The following ISM1 variants were observed in gnomAD, a reference collection of about 807,000 sequenced individuals.
ISM1 encodes the protein isthmin-1.
Under a neutral mutation model 46.3 loss-of-function variants are expected in ISM1, and 25 were observed. That is an observed-to-expected ratio of 0.54 (90% CI 0.39 to 0.75). The LOEUF (loss-of-function observed/expected upper bound fraction) is 0.75. Among genes scored for constraint, ISM1 ranks in the 30% least tolerant of loss-of-function variants. The pLI, the probability that ISM1 is intolerant of heterozygous loss-of-function variation, is 0.00. For synonymous variants in ISM1, 255 were observed against 256.7 expected (o/e 0.99, Z 0.06); for missense variants, 536 against 625.4 (o/e 0.86, Z 1.52).
chr20:13,284,489 A>G (rs1321081423), intron 3 of ISM1, among the ~76,000 whole-genome samples: 1 of 152,206 alleles, frequency 6.6e-6, no homozygotes, highest in Non-Finnish European at 1.5e-5. Flanking sequence ...AGCTGCTCAC[A>G]TTCATTTTCT....
At chr20:13,261,067 G>A (rs1364428524) in intron 1 of ISM1, among the ~76,000 whole-genome samples, 1 of 152,146 alleles carries the variant, frequency 6.6e-6, no homozygotes, top group Non-Finnish European at 1.5e-5. Flanking sequence ...CAATCCTAAG[G>A]CACAAGTGCT....
At chr20:13,256,034 G>A (rs771315754) in intron 1 of ISM1, among the ~76,000 whole-genome samples, 1 of 152,034 alleles carries the variant, frequency 6.6e-6, no homozygotes, top group African/African-American at 2.4e-5. Flanking sequence ...CAGCCAGTAG[G>A]AGAGCATCAG....
chr20:13,316,677 A>G, the ISM1 span, among the ~76,000 whole-genome samples: 341 of 152,064 alleles, frequency 2.2e-3, no homozygotes, highest in Non-Finnish European at 3.3e-3. Flanking sequence ...TAAAAAAGAA[A>G]GATCACATGA....
intron 2 of ISM1, among the ~76,000 whole-genome samples, chr20:13,274,667 CCCG>C (rs2040157029): frequency 6.8e-6 from 1 of 147,328 alleles, no homozygotes; most frequent in African/African-American, 2.5e-5. Flanking sequence ...CTCTCCACTC[CCCG>C]CCCCCCCCGC....
At chr20:13,271,467 G>A (rs900047635) in intron 2 of ISM1, among the ~76,000 whole-genome samples, 17 of 152,082 alleles carry the variant, frequency 1.1e-4, no homozygotes, top group African/African-American at 3.9e-4. Flanking sequence ...AATGTTGATC[G>A]GATTTGACCC....
At chr20:13,249,822 TTTG>T (rs1568670318) in intron 1 of ISM1, among the ~76,000 whole-genome samples, 2 of 143,284 alleles carry the variant, frequency 1.4e-5, no homozygotes, top group South Asian at 2.2e-4. Flanking sequence ...TTTGTTTTGT[TTTG>T]TTTTGTTTTG....
At position 13,232,390 on chromosome 20, in the gene ISM1, G is replaced by C. The variant is rs185821217; in HGVS notation, c.138+10476G>C. Among the ~76,000 whole-genome samples the C allele has an allele frequency of 1.2e-3, 189 of 152,312 alleles. 1 individual carries two copies. The highest frequency in any genetic ancestry group is 4.4e-3 in the African/African-American group (182 of 41,568). On this transcript the variant is annotated intron_variant, in intron 1 of 5. Coordinates refer to ENST00000262487, the MANE Select transcript of ISM1 (RefSeq NM_080826.2). The stretch of plus-strand genomic sequence containing the variant: ...TTGGATTTCCTAGACTTTTATATAA[G>C]TGGAATACAGAATGCATAGCATTGC...
At chr20:13,267,823 A>C (rs1488373852) in intron 1 of ISM1, among the ~76,000 whole-genome samples, 2 of 152,206 alleles carry the variant, frequency 1.3e-5, no homozygotes, top group Non-Finnish European at 2.9e-5. Flanking sequence ...TTTTAACCTA[A>C]TTAAACAGTA....
chr20:13,288,529 C>G lies in ISM1; in HGVS notation c.644-11C>G, dbSNP rs776148258. ...CCAAAGTTGATGACCATCTCCCTGG[C>G]TGTCTTCCAGATTCCACAGATGGCG... On this transcript the variant is annotated splice_polypyrimidine_tract_variant and intron_variant, in intron 3 of 5. Transcript: ENST00000262487. The G allele has an allele frequency of 2.5e-6, 4 of 1,612,638 alleles. No homozygotes were observed. Among genetic ancestry groups the G allele is most frequent in the Non-Finnish European group, 2.5e-6 (3 of 1,178,988 alleles).
the ISM1 span, among the ~76,000 whole-genome samples, chr20:13,323,169 A>C: frequency 6.6e-6 from 1 of 152,164 alleles, no homozygotes; most frequent in Non-Finnish European, 1.5e-5. Flanking sequence ...ACAGTCCCCA[A>C]ATATTACTTG....
At chr20:13,241,732 T>C (rs1162114944) in intron 1 of ISM1, among the ~76,000 whole-genome samples, 1 of 152,104 alleles carries the variant, frequency 6.6e-6, no homozygotes, top group Non-Finnish European at 1.5e-5. Flanking sequence ...GGAAGGGCAG[T>C]TGGATTTTGG....
chr20:13,321,275 A>AAAAAAAAAAAAAAAAAAAAAT, the ISM1 span, among the ~76,000 whole-genome samples: 2 of 150,522 alleles, frequency 1.3e-5, no homozygotes, highest in African/African-American at 4.9e-5. Flanking sequence ...AAAAAAAAAA[A>AAAAAAAAAAAAAAAAAAAAAT]AGATTTTATG....
intron 2 of ISM1, among the ~76,000 whole-genome samples, chr20:13,276,336 C>T (rs2040178909): frequency 6.6e-6 from 1 of 152,140 alleles, no homozygotes; most frequent in African/African-American, 2.4e-5. Flanking sequence ...GTGTGGGTTT[C>T]CCTATGGGAA....
At chr20:13,276,871 C>T (rs1462708933) in intron 2 of ISM1, among the ~76,000 whole-genome samples, 1 of 152,194 alleles carries the variant, frequency 6.6e-6, no homozygotes, top group Non-Finnish European at 1.5e-5. Flanking sequence ...AAACCTCAGG[C>T]TCAAGATTAG....
intron 2 of ISM1, among the ~76,000 whole-genome samples, chr20:13,274,524 C>A (rs114112067): frequency 6.6e-6 from 1 of 152,144 alleles, no homozygotes; most frequent in East Asian, 1.9e-4. Context: ...GAACTTGATA[C>A]CCGCCTTCCC....
chr20:13,319,787 C>A, the ISM1 span, among the ~76,000 whole-genome samples: 1 of 152,200 alleles, frequency 6.6e-6, no homozygotes, highest in Non-Finnish European at 1.5e-5. Context: ...GGACAGCCAG[C>A]CAACCTTCTT....
the ISM1 span, among the ~76,000 whole-genome samples, chr20:13,316,567 T>C: frequency 6.6e-6 from 1 of 151,830 alleles, no homozygotes; most frequent in Admixed American, 6.6e-5. Flanking sequence ...AATCCAGTAA[T>C]GGACAAAAAT....
chr20:13,323,526 C>T, the ISM1 span, among the ~76,000 whole-genome samples: 1 of 152,184 alleles, frequency 6.6e-6, no homozygotes. Flanking sequence ...CAGATAAATG[C>T]TTCAGTATGA....
chr20:13,235,124 C>T (rs545455701), intron 1 of ISM1, among the ~76,000 whole-genome samples: 14 of 152,330 alleles, frequency 9.2e-5, no homozygotes, highest in African/African-American at 3.4e-4. Flanking sequence ...TGTACTCTCA[C>T]ACTCATGGGT....
Sources: allele counts gnomAD v4.1 joint callset (sites outside exome capture counted in the v4.1 genomes callset), GRCh38; gene constraint gnomAD v4.1.1; transcripts MANE v1.5; gene names NCBI Gene and HGNC (gene_info 2026-07-23, HGNC 2026-07-21).